Variants in TMEM38B observed in about 807,000 individuals in gnomAD.
TMEM38B encodes the protein trimeric intracellular cation channel type B.
A neutral mutation model predicts 28.7 loss-of-function variants in TMEM38B; 24 were observed. The observed-to-expected ratio is 0.84, with a 90% CI of 0.61 to 1.18. The LOEUF is 1.18. Ranked by LOEUF, TMEM38B falls within the 50% of genes most tolerant of loss-of-function variation. TMEM38B has a pLI of 0.00. For missense variants in TMEM38B, 380 were observed against 350.9 expected, an observed-to-expected ratio of 1.08 and a Z score of -0.66; for synonymous variants, 131 against 127.7, an observed-to-expected ratio of 1.03 and a Z score of -0.17.
chr9:105,771,396 C>CT (rs1367563546), intron 5 of TMEM38B, among the ~76,000 whole-genome samples: 1 of 152,172 alleles, frequency 6.6e-6, no homozygotes, highest in South Asian at 2.1e-4. Context: ...TACTTCTCAA[C>CT]TGAGTGATGA....
intron 4 of TMEM38B, among the ~76,000 whole-genome samples, chr9:105,737,649 CAG>C (rs1257777433): frequency 6.6e-6 from 1 of 152,126 alleles, no homozygotes; most frequent in African/African-American, 2.4e-5. Context: ...ACCTGGAAGA[CAG>C]GGTGGTTCAG....
chr9:105,749,032 T>C, intron 5 of TMEM38B: 3 of 1,283,838 alleles, frequency 2.3e-6, no homozygotes, highest in Non-Finnish European at 3.1e-6. Context: ...ATATGTGTCT[T>C]AGAATGAAGT....
intron 5 of TMEM38B, among the ~76,000 whole-genome samples, chr9:105,765,238 A>C (rs1826327893): frequency 2.0e-5 from 3 of 152,238 alleles, no homozygotes; most frequent in Admixed American, 2.0e-4. Context: ...GTTACAATTT[A>C]AAAAATGCTT....
Position 105,766,046 on chromosome 9 carries a change from C to T in TMEM38B, c.661-7819C>T, listed in dbSNP as rs558573644. On this transcript the variant is annotated intron_variant, in intron 5 of 5. Coordinates refer to ENST00000374692, the MANE Select transcript of TMEM38B (RefSeq NM_018112.3). ...TCAATCTCCTGACCTCATGATCCGC[C>T]TGCCTCGGCCTCCCAGTGCTGGAAT... Among the ~76,000 whole-genome samples, 3 of 152,278 alleles carry T rather than the reference C, an allele frequency of 2.0e-5. No homozygotes were observed. The East Asian group carries it at 5.8e-4, about 29-fold the overall frequency.
intron 4 of TMEM38B, among the ~76,000 whole-genome samples, chr9:105,732,559 A>G (rs1264693480): frequency 6.6e-6 from 1 of 152,194 alleles, no homozygotes; most frequent in African/African-American, 2.4e-5. Context: ...CATTTATTAA[A>G]TAGGGAATCC....
intron 5 of TMEM38B, among the ~76,000 whole-genome samples, chr9:105,752,976 T>G (rs139332092): frequency 3.6e-4 from 55 of 152,234 alleles, no homozygotes; most frequent in African/African-American, 1.3e-3. Context: ...AGGAACATAA[T>G]TGACCTGATG....
At chr9:105,696,173 C>G (rs1057503516) in intron 1 of TMEM38B, among the ~76,000 whole-genome samples, 1 of 152,190 alleles carries the variant, frequency 6.6e-6, no homozygotes, top group Non-Finnish European at 1.5e-5. Context: ...ATATGAGAAT[C>G]TAACAGTTTT....
chr9:105,719,209 A>G lies in TMEM38B; in HGVS notation c.270-2328A>G, dbSNP rs796084008. Among the ~76,000 whole-genome samples the G allele has an allele frequency of 8.5e-5, 13 of 152,264 alleles. 1 individual carries two copies. The highest frequency in any genetic ancestry group is 2.9e-4 in the African/African-American group (12 of 41,558). ...GTTTGTGGCCTAGGGTCTTGTTTGT[A>G]TCCCGTTTGAGACGTTTATTCTTTC... On this transcript the variant is annotated intron_variant, in intron 2 of 5. Transcript: ENST00000374692.
intron 2 of TMEM38B, among the ~76,000 whole-genome samples, chr9:105,719,307 C>T (rs1836235114): frequency 6.6e-6 from 1 of 152,098 alleles, no homozygotes; most frequent in South Asian, 2.1e-4. Context: ...CATTCCACTT[C>T]CTCTCTCATT....
chr9:105,731,702 A>G (rs1445565696), intron 4 of TMEM38B, among the ~76,000 whole-genome samples: 1 of 152,202 alleles, frequency 6.6e-6, no homozygotes, highest in South Asian at 2.1e-4. Flanking sequence ...AATCCAGTCT[A>G]TCATTGTTGG....
Position 105,713,159 on chromosome 9 carries a change from T to C in TMEM38B, c.269+7406T>C, listed in dbSNP as rs776269675. On this transcript the variant is annotated intron_variant, in intron 2 of 5. Coordinates refer to ENST00000374692, the MANE Select transcript of TMEM38B (RefSeq NM_018112.3). ...CTGCAACCCAGGCACCCCTCTGCTC[T>C]TGGGAGCCAGGAGTAGGCAGTAGAG... Among the ~76,000 whole-genome samples, 113 of 152,316 alleles carry C rather than the reference T, an allele frequency of 7.4e-4. 1 individual carries two copies. The highest frequency in any genetic ancestry group is 3.4e-3 in the Middle Eastern group (1 of 294).
intron 5 of TMEM38B, among the ~76,000 whole-genome samples, chr9:105,752,956 C>G (rs1306657157): frequency 6.6e-6 from 1 of 152,092 alleles, no homozygotes; most frequent in Non-Finnish European, 1.5e-5. Context: ...CTAGAATAGC[C>G]AGTTTAGAGA....
rs1835204505 is a variant in TMEM38B at position 105,694,586 on chromosome 9, T to A, written c.-75T>A. 8.1e-7 allele frequency: 1 copy of A among 1,240,456 alleles called. No homozygotes were observed. The allele number at this position is 1,240,456 out of a possible 1,614,324, so 76.8% of individuals were successfully genotyped here. On this transcript the variant is annotated 5_prime_UTR_variant, in exon 1 of 6. Coordinates refer to ENST00000374692, the MANE Select transcript of TMEM38B (RefSeq NM_018112.3). ...GGAGCGGGCGGCCGCGGCTGTGCCC[T>A]CTCCTACTCCTCACCGCGCGAGCGC...
chr9:105,765,430 A>G (rs1254338639), intron 5 of TMEM38B, among the ~76,000 whole-genome samples: 3 of 152,188 alleles, frequency 2.0e-5, no homozygotes, highest in Non-Finnish European at 4.4e-5. Context: ...ATACCTGTGT[A>G]ACTACTACCA....
chr9:105,761,735 A>G (rs1354739768), intron 5 of TMEM38B, among the ~76,000 whole-genome samples: 3 of 152,204 alleles, frequency 2.0e-5, no homozygotes, highest in Admixed American at 6.5e-5. Flanking sequence ...AACAGCCTAT[A>G]TGCCCAGGGC....
intron 4 of TMEM38B, among the ~76,000 whole-genome samples, chr9:105,740,402 G>A (rs983052061): frequency 2.6e-5 from 4 of 151,604 alleles, no homozygotes; most frequent in African/African-American, 9.7e-5. Flanking sequence ...AGGTAGCTGG[G>A]ACCACAGGCA....
intron 5 of TMEM38B, among the ~76,000 whole-genome samples, chr9:105,771,116 C>G (rs1288903252): frequency 6.6e-6 from 1 of 152,028 alleles, no homozygotes; most frequent in African/African-American, 2.4e-5. Context: ...ATTTTTAGGG[C>G]TTCTATTTTC....
intron 2 of TMEM38B, among the ~76,000 whole-genome samples, chr9:105,713,011 G>A (rs2133565089): frequency 6.6e-6 from 1 of 152,366 alleles, no homozygotes; most frequent in South Asian, 2.1e-4. Context: ...AGGCTGTGAG[G>A]GGACTTGGCC....
At chr9:105,699,869 C>T (rs111964656) in intron 1 of TMEM38B, among the ~76,000 whole-genome samples, 200 of 152,080 alleles carry the variant, frequency 1.3e-3, no homozygotes, top group African/African-American at 4.6e-3. Flanking sequence ...TTCTCTGTCT[C>T]CTGGGCATTT....
Sources: gnomAD v4.1 joint callset for allele counts (sites outside exome capture counted in the v4.1 genomes callset) on GRCh38, gnomAD v4.1.1 for gene constraint, MANE v1.5 for transcripts, NCBI Gene and HGNC (gene_info 2026-07-23, HGNC 2026-07-21) for gene names.